Variants in FBXL4 observed in about 807,000 individuals in gnomAD.
The protein encoded by FBXL4 is F-box and leucine rich repeat protein 4, also known as F-box/LRR-repeat protein 4.
In FBXL4, 40 loss-of-function variants were observed where a neutral mutation model predicts 58.9. The ratio of observed to expected loss-of-function variants is 0.68; its 90% CI spans 0.53 to 0.88. The LOEUF (loss-of-function observed/expected upper bound fraction) is 0.88, where lower values mean the gene tolerates loss of function less well. Among genes scored for constraint, FBXL4 ranks in the 40% least tolerant of loss-of-function variants. FBXL4 has a pLI of 0.00. For missense variants in FBXL4, 676 were observed against 734.4 expected (o/e 0.92, Z 0.92); for synonymous variants, 263 against 265.5 (o/e 0.99, Z 0.09).
At chr6:98,908,666 C>T (rs1332240589) in intron 5 of FBXL4, among the ~76,000 whole-genome samples, 3 of 151,756 alleles carry the variant, frequency 2.0e-5, no homozygotes, top group African/African-American at 4.8e-5. Flanking sequence ...GGTATCAAAA[C>T]GTTTTTATTC....
intron 1 of FBXL4, among the ~76,000 whole-genome samples, chr6:98,940,222 C>T (rs992518967): frequency 2.0e-5 from 3 of 151,914 alleles, no homozygotes; most frequent in African/African-American, 4.8e-5. Flanking sequence ...ACACAATTTG[C>T]AAGTTTTTCA....
At position 98,875,415 on chromosome 6, in the gene FBXL4, C is replaced by G. The variant is rs1770622356; in HGVS notation, c.1702G>C (p.Gly568Arg). ...CTRLQQLDIL[G>R]TRMVSPASLR... ...ACAAATTTATATATTGTAACCTTAC[C>G]TAATATGTCCAGCTGCTGTAACCTG... The change falls in exon 9 of 10, where the codon GGA (glycine) becomes CGA (arginine). Residue 568 changes from glycine (G) to arginine (R), a missense_variant and splice_region_variant. Physicochemically the swap from Gly to Arg is moderately radical, Grantham distance 125. Transcript: ENST00000369244. The G allele has an allele frequency of 1.9e-6, 3 of 1,613,238 alleles. No homozygotes were observed. Among genetic ancestry groups the G allele is most frequent in the Non-Finnish European group, 2.5e-6 (3 of 1,179,308 alleles).
intron 7 of FBXL4, among the ~76,000 whole-genome samples, chr6:98,887,556 A>G (rs1771081777): frequency 6.6e-6 from 1 of 152,256 alleles, no homozygotes; most frequent in African/African-American, 2.4e-5. Flanking sequence ...AATATTTTAC[A>G]GTAACTTAGT....
At chr6:98,936,593 A>C (rs1773227283) in intron 1 of FBXL4, among the ~76,000 whole-genome samples, 1 of 152,220 alleles carries the variant, frequency 6.6e-6, no homozygotes, top group African/African-American at 2.4e-5. Context: ...CTTAATGAGG[A>C]GTAAATATAT....
intron 2 of FBXL4, among the ~76,000 whole-genome samples, chr6:98,928,344 T>G (rs75872164): frequency 6.6e-6 from 1 of 152,046 alleles, no homozygotes; most frequent in African/African-American, 2.4e-5. Flanking sequence ...TTTTTTTTTT[T>G]CGAGACAGGG....
At chr6:98,898,782 C>T in intron 7 of FBXL4, 2 of 985,248 alleles carry the variant, frequency 2.0e-6, no homozygotes, top group Non-Finnish European at 2.4e-6. Flanking sequence ...GGAAACATGT[C>T]CTAGAGATAT....
In FBXL4 at chr6:98,934,879, T is replaced by C. The variant is rs1773148418; in HGVS notation, c.-308A>G. The C allele has an allele frequency of 6.6e-6, 1 of 151,878 alleles. No individual in the cohort carries two copies. The highest frequency in any genetic ancestry group is 2.4e-5 in the African/African-American group (1 of 41,288). The allele number at this position is 151,878 out of a possible 1,614,324, so 9.4% of individuals were successfully genotyped here. A position where few individuals can be genotyped will look rare whatever the true frequency, so the allele number is the denominator to read the frequency against. ...AAGGGAACCAGGCCAGGAAGAAAAA[T>C]CTAAAAGCAGAGCAAAAATCTCAAA... On this transcript the variant is annotated splice_region_variant and 5_prime_UTR_variant, in exon 2 of 10. Coordinates refer to ENST00000369244, the MANE Select transcript of FBXL4 (RefSeq NM_001278716.2).
rs1772782820 is a variant in FBXL4 at position 98,926,494 on chromosome 6, A to G, written c.495T>C (p.Asn165=). Residue 165 remains asparagine, a synonymous_variant, in exon 4 of 10, where the codon AAT becomes AAC. Coordinates refer to ENST00000369244, the MANE Select transcript of FBXL4 (RefSeq NM_001278716.2). ...AGTCTTACCTTACTTCAGCTGGTGG[A>G]TTTGGGGAATAAGGATTTGCAGAAC... ...LACSANPYSP[N]PPAEVRWEIL... is the part of the protein sequence containing the mutation. The G allele has an allele frequency of 6.2e-7, 1 of 1,607,284 alleles. No individual in the cohort carries two copies. Among genetic ancestry groups the G allele is most frequent in the African/African-American group, 1.3e-5 (1 of 74,758 alleles).
Position 98,910,984 on chromosome 6 carries a change from G to A in FBXL4, c.859-5314C>T, listed in dbSNP as rs552999597. Among the ~76,000 whole-genome samples the A allele has an allele frequency of 4.1e-3, 627 of 152,292 alleles. 1 individual carries two copies. Among genetic ancestry groups the A allele is most frequent in the Non-Finnish European group, 6.3e-3 (429 of 68,006 alleles). ...CGGGCCACTCCCACCCAAATACTGCGCTTTTCCGAAGGCCTTAGGAAACGG... is the reference window on the plus strand; with the variant it reads ...CGGGCCACTCCCACCCAAATACTGCACTTTTCCGAAGGCCTTAGGAAACGG... On this transcript the variant is annotated intron_variant, in intron 5 of 9. Coordinates refer to ENST00000369244, the MANE Select transcript of FBXL4 (RefSeq NM_001278716.2).
At chr6:98,916,441 G>A (rs1772350394) in intron 5 of FBXL4, among the ~76,000 whole-genome samples, 3 of 151,732 alleles carry the variant, frequency 2.0e-5, no homozygotes, top group Admixed American at 2.0e-4. Flanking sequence ...TGATAGACTG[G>A]ATTAAGAAAA....
chr6:98,942,753 C>T (rs1404661572), intron 1 of FBXL4, among the ~76,000 whole-genome samples: 1 of 151,952 alleles, frequency 6.6e-6, no homozygotes, highest in Non-Finnish European at 1.5e-5. Flanking sequence ...CAGAATATTA[C>T]AACTATAGAA....
intron 1 of FBXL4, among the ~76,000 whole-genome samples, chr6:98,945,033 T>C (rs1197312651): frequency 2.6e-5 from 4 of 152,206 alleles, no homozygotes; most frequent in South Asian, 2.1e-4. Flanking sequence ...CAATGTGATA[T>C]GGCAAAAGCA....
At chr6:98,913,245 C>G (rs1772174842) in intron 5 of FBXL4, among the ~76,000 whole-genome samples, 1 of 152,166 alleles carries the variant, frequency 6.6e-6, no homozygotes, top group Non-Finnish European at 1.5e-5. Flanking sequence ...TAACACCCCA[C>G]TGTCAACATT....
chr6:98,944,967 CA>C (rs924276295), intron 1 of FBXL4, among the ~76,000 whole-genome samples: 14 of 152,254 alleles, frequency 9.2e-5, no homozygotes, highest in African/African-American at 3.1e-4. Context: ...TGCCAGTTTC[CA>C]TGAAACTGTT....
At chr6:98,897,178 C>A (rs1418908320) in intron 7 of FBXL4, 12 of 984,780 alleles carry the variant, frequency 1.2e-5, no homozygotes, top group African/African-American at 3.5e-5. Context: ...CATTTAAATC[C>A]TCCTTGCTCA....
At chr6:98,893,343 G>C (rs767657806) in intron 7 of FBXL4, among the ~76,000 whole-genome samples, 5 of 152,126 alleles carry the variant, frequency 3.3e-5, no homozygotes, top group Admixed American at 6.5e-5. Flanking sequence ...CTGAGATCTA[G>C]GTGTCAACAG....
At chr6:98,906,233 TGTTACATAG>T (rs1406915364) in intron 5 of FBXL4, among the ~76,000 whole-genome samples, 7 of 151,202 alleles carry the variant, frequency 4.6e-5, no homozygotes, top group Non-Finnish European at 1.0e-4. Flanking sequence ...CATGCAGGTG[TGTTACATAG>T]GTATACAAGT....
intron 1 of FBXL4, among the ~76,000 whole-genome samples, chr6:98,945,532 G>C (rs983697637): frequency 6.6e-6 from 1 of 152,082 alleles, no homozygotes; most frequent in Non-Finnish European, 1.5e-5. Flanking sequence ...CCTCCTTTAA[G>C]GATTTCTGTA....
chr6:98,875,181 T>A (rs1159769585), intron 9 of FBXL4: 4 of 519,148 alleles, frequency 7.7e-6, no homozygotes, highest in African/African-American at 5.8e-5. Context: ...GTTATAGTTT[T>A]TTACAGTTTC....
Sources: gnomAD v4.1 joint callset for allele counts (sites outside exome capture counted in the v4.1 genomes callset) on GRCh38, gnomAD v4.1.1 for gene constraint, MANE v1.5 for transcripts, NCBI Gene and HGNC (gene_info 2026-07-23, HGNC 2026-07-21) for gene names.